Variants in SLC35A3 observed in about 807,000 individuals in gnomAD.
The protein encoded by SLC35A3 is UDP-N-acetylglucosamine transporter.
A neutral mutation model predicts 39.0 loss-of-function variants in SLC35A3; 26 were observed. That is an observed-to-expected ratio of 0.67 (90% confidence interval 0.49 to 0.92). The LOEUF (loss-of-function observed/expected upper bound fraction) is 0.92. Ranked by LOEUF, SLC35A3 falls within the 40% of genes least tolerant of loss-of-function variation. SLC35A3 has a pLI of 0.00. For missense variants in SLC35A3, 299 were observed against 371.6 expected, an observed-to-expected ratio of 0.80 and a Z score of 1.61; for synonymous variants, 135 against 133.1, an observed-to-expected ratio of 1.01 and a Z score of -0.10.
intron 1 of SLC35A3, chr1:99,970,377 A>C: frequency 1.7e-6 from 1 of 598,376 alleles, no homozygotes; most frequent in Admixed American, 3.0e-5. Flanking sequence ...ACTCCGACGG[A>C]CGACGTGCGG....
rs142913547 is a variant in SLC35A3, at chr1:100,022,146, CAT to C, written c.888-239_888-238del. Reference sequence around the variant, plus strand: ...TTTAAATTCTTTAAAACTGTTTCCTCATGTGTAAAAAATGAATACTAATACAT... The same window carrying C: ...TTTAAATTCTTTAAAACTGTTTCCTCGTGTAAAAAATGAATACTAATACAT... On this transcript the variant is annotated intron_variant, in intron 7 of 7. Coordinates refer to ENST00000533028, the MANE Select transcript of SLC35A3 (RefSeq NM_012243.3). Among the ~76,000 whole-genome samples the C allele has an allele frequency of 0.091, 13,897 of 152,118 alleles. 1,140 individuals carry two copies. The highest frequency in any genetic ancestry group is 0.22 in the African/African-American group (8,989 of 41,446).
At chr1:99,977,755 T>C (rs924343979) in intron 1 of SLC35A3, among the ~76,000 whole-genome samples, 3 of 152,094 alleles carry the variant, frequency 2.0e-5, no homozygotes, top group African/African-American at 7.2e-5. Flanking sequence ...CCCAGGCTGG[T>C]CTGGAACTCC....
At position 100,028,700 on chromosome 1, in the gene SLC35A3, A is replaced by C. The variant is rs979361799; in HGVS notation, c.*6224A>C. On this transcript the variant is annotated 3_prime_UTR_variant, in exon 8 of 8. Transcript: ENST00000533028. ...AGGACCGATTACATATACACTCTAG[A>C]AAAGAAAATAGCAAGGAAGAAATAA... is the stretch of plus-strand genomic sequence containing the variant. The C allele has an allele frequency of 6.6e-6, 1 of 152,220 alleles. No individual in the cohort carries two copies. Among genetic ancestry groups the C allele is most frequent in the Non-Finnish European group, 1.5e-5 (1 of 68,032 alleles). 9.4% of individuals were successfully genotyped at this position (152,220 alleles called of 1,614,324 possible).
intron 4 of SLC35A3, chr1:100,009,522 AG>A (rs1659472794): frequency 6.6e-6 from 1 of 152,280 alleles, no homozygotes; most frequent in Non-Finnish European, 1.5e-5. Context: ...TTTGGCTGTA[AG>A]GGCTCACTGG....
At chr1:99,970,873 T>C (rs1012562492) in intron 1 of SLC35A3, among the ~76,000 whole-genome samples, 69 of 152,378 alleles carry the variant, frequency 4.5e-4, no homozygotes, top group African/African-American at 1.6e-3. Flanking sequence ...CTTTCACTGG[T>C]AAACTCAGGG....
intron 5 of SLC35A3, 22 bp downstream of exon 5, chr1:100,011,555 ATAT>A: frequency 1.0e-6 from 1 of 977,734 alleles, no homozygotes; most frequent in East Asian, 2.9e-5. Flanking sequence ...ATGTTTTCTA[ATAT>A]TATTTTAAAA....
At chr1:100,015,257 C>G (rs758675499) in intron 5 of SLC35A3, 45 bp from the exon 6 acceptor site, 16 of 1,459,982 alleles carry the variant, frequency 1.1e-5, no homozygotes, top group Admixed American at 2.4e-5. Flanking sequence ...TATATCTCTT[C>G]AGACAAACTA....
intron 1 of SLC35A3, among the ~76,000 whole-genome samples, chr1:99,986,431 A>G (rs567826557): frequency 2.3e-4 from 35 of 152,022 alleles, no homozygotes; most frequent in Non-Finnish European, 4.9e-4. Context: ...GCCTGGCCAT[A>G]TTCTACTTTT....
chr1:100,018,296 C>A lies in SLC35A3; in HGVS notation c.887+481C>A, dbSNP rs142364466. Among the ~76,000 whole-genome samples, 953 of 152,160 alleles carry A rather than the reference C, an allele frequency of 6.3e-3. 3 individuals are homozygous for A. The highest frequency in any genetic ancestry group is 7.7e-3 in the Non-Finnish European group (524 of 67,988). ...CCAGGACTCTGTAGTTTTATGGATG[C>A]TAAGGGAGGAGATAGCATCAGGAAA... is the stretch of plus-strand genomic sequence containing the variant. On this transcript the variant is annotated intron_variant, in intron 7 of 7. Coordinates refer to ENST00000533028, the MANE Select transcript of SLC35A3 (RefSeq NM_012243.3).
chr1:100,031,061 C>T lies in SLC35A3; in HGVS notation c.*8585C>T, dbSNP rs1040075550. On this transcript the variant is annotated 3_prime_UTR_variant, in exon 8 of 8. Transcript: ENST00000533028. ...TTCCATTATTTCATATTATTTTTCT[C>T]CATTTCCCTCGTGTCAAGTTTCATT... 6.6e-6 allele frequency: 1 copy of T among 152,074 alleles called. No individual in the cohort carries two copies. The highest frequency in any genetic ancestry group is 2.4e-5 in the African/African-American group (1 of 41,410). 9.4% of individuals were successfully genotyped at this position (152,074 alleles called of 1,614,324 possible).
chr1:100,012,295 A>G (rs1044923855), intron 5 of SLC35A3, among the ~76,000 whole-genome samples: 3 of 152,116 alleles, frequency 2.0e-5, no homozygotes, highest in African/African-American at 7.2e-5. Flanking sequence ...TAAATATACA[A>G]TATCAGAGAA....
intron 1 of SLC35A3, among the ~76,000 whole-genome samples, chr1:99,976,164 A>C (rs1197447147): frequency 6.6e-6 from 1 of 152,206 alleles, no homozygotes; most frequent in Non-Finnish European, 1.5e-5. Context: ...AGAGCGTCTG[A>C]AGCTTGCCCT....
intron 1 of SLC35A3, among the ~76,000 whole-genome samples, chr1:99,974,395 T>G (rs867561747): frequency 6.6e-6 from 1 of 152,218 alleles, no homozygotes; most frequent in African/African-American, 2.4e-5. Context: ...TTTGCTGTAC[T>G]AAGTTGTAGA....
rs1439915087 is a variant in SLC35A3, at chr1:100,033,376, T to G, written c.*10900T>G. 6.6e-6 allele frequency: 1 copy of G among 152,078 alleles called. No individual in the cohort carries two copies. Among genetic ancestry groups the G allele is most frequent in the African/African-American group, 2.4e-5 (1 of 41,410 alleles). 9.4% of individuals were successfully genotyped at this position (152,078 alleles called of 1,614,324 possible). A position where few individuals can be genotyped will look rare whatever the true frequency, so the allele number is the denominator to read the frequency against. On this transcript the variant is annotated 3_prime_UTR_variant, in exon 8 of 8. Coordinates refer to ENST00000533028, the MANE Select transcript of SLC35A3 (RefSeq NM_012243.3). ...AAAATCTAGCTGTCATACCTATCCCTCCATTCCTAACCATCTCTTATAAGT... is the reference window on the plus strand; with the variant it reads ...AAAATCTAGCTGTCATACCTATCCCGCCATTCCTAACCATCTCTTATAAGT...
rs1445224319 is a variant in SLC35A3, at chr1:100,023,145, A to G, written c.*669A>G. ...AATTTTAAGATATTTTAGTGCTTCA[A>G]GACTGCTGAAAGCAATCCAGTTGCT... On this transcript the variant is annotated 3_prime_UTR_variant, in exon 8 of 8. Transcript: ENST00000533028. 1 of 152,208 alleles carries G rather than the reference A, an allele frequency of 6.6e-6. No individual in the cohort carries two copies. Among genetic ancestry groups the G allele is most frequent in the Non-Finnish European group, 1.5e-5 (1 of 68,024 alleles). 9.4% of individuals were successfully genotyped at this position (152,208 alleles called of 1,614,324 possible). A position where few individuals can be genotyped will look rare whatever the true frequency, so the allele number is the denominator to read the frequency against.
intron 2 of SLC35A3, among the ~76,000 whole-genome samples, chr1:99,995,104 T>TTTTCTTTCGTTCTTTC (rs1658309557): frequency 1.8e-5 from 2 of 113,422 alleles, no homozygotes; most frequent in African/African-American, 7.1e-5. Context: ...TTTTTGTGTA[T>TTTTCTTTCGTTCTTTC]TTTCTTTCTT....
intron 7 of SLC35A3, among the ~76,000 whole-genome samples, chr1:100,018,139 G>T (rs1253638873): frequency 3.9e-5 from 6 of 152,132 alleles, no homozygotes; most frequent in African/African-American, 1.4e-4. Context: ...TTAAAATACG[G>T]AATTTACATG....
intron 3 of SLC35A3, among the ~76,000 whole-genome samples, chr1:99,999,744 C>T (rs565324808): frequency 1.2e-4 from 19 of 152,042 alleles, no homozygotes; most frequent in African/African-American, 2.9e-4. Flanking sequence ...TCCCCCTGCC[C>T]TTGTATCTTT....
chr1:99,970,119 C>T lies in SLC35A3; in HGVS notation c.-62C>T, dbSNP rs1656711774. 1 of 156,018 alleles carries T rather than the reference C, an allele frequency of 6.4e-6. No individual in the cohort carries two copies. The highest frequency in any genetic ancestry group is 6.5e-5 in the Admixed American group (1 of 15,398). The allele number at this position is 156,018 out of a possible 1,614,324, so 9.7% of individuals were successfully genotyped here. ...CCTGGGGCGCCCGGCGGAGCTGAACCGCGGCCCCCGGTGGTGGGCTCAGCC... is the reference window on the plus strand; with the variant it reads ...CCTGGGGCGCCCGGCGGAGCTGAACTGCGGCCCCCGGTGGTGGGCTCAGCC... On this transcript the variant is annotated 5_prime_UTR_variant, in exon 1 of 8. Coordinates refer to ENST00000533028, the MANE Select transcript of SLC35A3 (RefSeq NM_012243.3).
Sources: gnomAD v4.1 joint callset for allele counts (sites outside exome capture counted in the v4.1 genomes callset) on GRCh38, gnomAD v4.1.1 for gene constraint, MANE v1.5 for transcripts, NCBI Gene and HGNC (gene_info 2026-07-23, HGNC 2026-07-21) for gene names.